SLC41A3: variants seen among roughly 807,000 people sequenced by gnomAD.
The protein encoded by SLC41A3 is SLC41A1-like 2.
Under a neutral mutation model 45.4 loss-of-function variants are expected in SLC41A3, and 44 were observed. The ratio of observed to expected loss-of-function variants is 0.97; its 90% CI spans 0.76 to 1.25. SLC41A3 has a LOEUF of 1.25. Among genes scored for constraint, SLC41A3 ranks in the 50% most tolerant of loss-of-function variants. The pLI, the probability that SLC41A3 is intolerant of heterozygous loss-of-function variation, is 0.00. For synonymous variants in SLC41A3, 256 were observed against 252.4 expected, an observed-to-expected ratio of 1.01 and a Z score of -0.13; for missense variants, 550 against 600.6, an observed-to-expected ratio of 0.92 and a Z score of 0.88.
At chr3:126,027,376 T>C (rs1941449081) in intron 4 of SLC41A3, among the ~76,000 whole-genome samples, 1 of 151,984 alleles carries the variant, frequency 6.6e-6, no homozygotes, top group Non-Finnish European at 1.5e-5. Context: ...CTGTGTGAAG[T>C]GCTACTCCCC....
intron 2 of SLC41A3, among the ~76,000 whole-genome samples, chr3:126,055,496 A>G (rs1943596119): frequency 6.6e-6 from 1 of 152,228 alleles, no homozygotes; most frequent in African/African-American, 2.4e-5. Flanking sequence ...CCTGGGCGAC[A>G]GGGCAAGACT....
intron 3 of SLC41A3, among the ~76,000 whole-genome samples, chr3:126,041,305 A>C (rs1379025300): frequency 6.6e-6 from 1 of 152,168 alleles, no homozygotes; most frequent in Non-Finnish European, 1.5e-5. Context: ...AATACAAAAA[A>C]TAATAAAGTT....
intron 1 of SLC41A3, among the ~76,000 whole-genome samples, chr3:126,096,579 C>T (rs144263077): frequency 3.8e-4 from 58 of 152,380 alleles, no homozygotes; most frequent in Non-Finnish European, 8.1e-4. Flanking sequence ...AAACCACAAA[C>T]GATAGCATGA....
intron 3 of SLC41A3, among the ~76,000 whole-genome samples, chr3:126,039,312 C>T (rs1942422806): frequency 6.6e-6 from 1 of 152,140 alleles, no homozygotes; most frequent in Non-Finnish European, 1.5e-5. Context: ...TTTTTATGTT[C>T]CAGGAAATAA....
chr3:126,061,550 G>C lies in SLC41A3; in HGVS notation c.273+6397C>G, dbSNP rs548389247. On this transcript the variant is annotated intron_variant, in intron 2 of 10. Coordinates refer to ENST00000360370, the MANE Select transcript of SLC41A3 (RefSeq NM_017836.4). ...GGGCAGGGGTGTCTGCCTGGCACAG[G>C]TACACAGTATATGCTGCCTGAATGA... Among the ~76,000 whole-genome samples, 28 of 152,316 alleles carry C rather than the reference G, an allele frequency of 1.8e-4. No homozygotes were observed. The Middle Eastern group carries it at 0.01, about 56-fold the overall frequency.
chr3:126,012,752 AC>A lies in SLC41A3; in HGVS notation c.971-4del. The A allele has an allele frequency of 6.2e-7, 1 of 1,614,108 alleles. No individual in the cohort carries two copies. Among genetic ancestry groups the A allele is most frequent in the South Asian group, 1.1e-5 (1 of 91,072 alleles). On this transcript the variant is annotated splice_region_variant and splice_polypyrimidine_tract_variant and intron_variant, in intron 8 of 10. Transcript: ENST00000360370. ...GGCCACCAGATTGCCACCAACACCTACGAGGAGAAAAGGAATCTGTTTTCCC... is the reference window on the plus strand; with the variant it reads ...GGCCACCAGATTGCCACCAACACCTAGAGGAGAAAAGGAATCTGTTTTCCC...
chr3:126,022,860 A>T lies in SLC41A3; in HGVS notation c.671T>A (p.Ile224Asn). The T allele has an allele frequency of 1.2e-6, 2 of 1,614,168 alleles. No homozygotes were observed. The highest frequency in any genetic ancestry group is 1.7e-6 in the Non-Finnish European group (2 of 1,180,022). Residue 224 changes from isoleucine (I) to asparagine (N), a missense_variant, in exon 6 of 11, where the codon ATT becomes AAT. Ile to Asn is a moderately radical substitution (Grantham distance 149). Transcript: ENST00000360370. The part of the protein sequence containing the change: ...GVNPDNIATP[I>N]AASLGDLITL... ...GATGAGGTCTCCCAGGCTGGCTGCA[A>T]TGGGCGTGGCAATGTTGTCTGGGTT... is the stretch of plus-strand genomic sequence containing the variant.
intron 2 of SLC41A3, among the ~76,000 whole-genome samples, chr3:126,053,924 T>C (rs1943499803): frequency 6.6e-6 from 1 of 152,172 alleles, no homozygotes; most frequent in African/African-American, 2.4e-5. Context: ...TTTTAAATTC[T>C]GCCACCGCCC....
At chr3:126,046,412 T>G (rs185904808) in intron 3 of SLC41A3, among the ~76,000 whole-genome samples, 2 of 151,330 alleles carry the variant, frequency 1.3e-5, no homozygotes, top group African/African-American at 4.9e-5. Context: ...TCAGCAAAGA[T>G]GAAGGATACA....
At chr3:126,028,242 A>G (rs1426237428) in intron 4 of SLC41A3, among the ~76,000 whole-genome samples, 1 of 152,230 alleles carries the variant, frequency 6.6e-6, no homozygotes, top group Non-Finnish European at 1.5e-5. Flanking sequence ...TCACAGGCCC[A>G]GAGGCCTAGG....
intron 3 of SLC41A3, among the ~76,000 whole-genome samples, chr3:126,039,940 C>T (rs1302458312): frequency 6.6e-6 from 1 of 152,232 alleles, no homozygotes; most frequent in African/African-American, 2.4e-5. Flanking sequence ...AGTACACCCA[C>T]TGCCCAGATC....
At chr3:126,014,142 G>A (rs1189261367) in intron 8 of SLC41A3, among the ~76,000 whole-genome samples, 1 of 152,198 alleles carries the variant, frequency 6.6e-6, no homozygotes, top group African/African-American at 2.4e-5. Context: ...TGGGCCAGGT[G>A]TGCACCAGTG....
chr3:126,073,611 T>G (rs1399333886), intron 1 of SLC41A3, among the ~76,000 whole-genome samples: 1 of 151,880 alleles, frequency 6.6e-6, no homozygotes, highest in African/African-American at 2.4e-5. Flanking sequence ...CTAAAAAAAT[T>G]AGAAAACCTA....
intron 2 of SLC41A3, among the ~76,000 whole-genome samples, chr3:126,063,331 C>A (rs1944170038): frequency 1.3e-5 from 2 of 152,088 alleles, no homozygotes; most frequent in South Asian, 4.1e-4. Context: ...CTACCCAAGG[C>A]CCCTTGAGAT....
intron 10 of SLC41A3, 39 bp downstream of exon 10, chr3:126,008,693 A>T (rs1427905847): frequency 6.2e-7 from 1 of 1,606,292 alleles, no homozygotes; most frequent in Admixed American, 1.7e-5. Context: ...CTGGCTGACT[A>T]CACAGCTGCG....
intron 1 of SLC41A3, among the ~76,000 whole-genome samples, chr3:126,075,630 G>GA (rs1349707079): frequency 6.6e-6 from 1 of 152,132 alleles, no homozygotes; most frequent in Non-Finnish European, 1.5e-5. Flanking sequence ...GCAAAGAATA[G>GA]AAATATAGAT....
chr3:126,062,460 G>A (rs1050827149), intron 2 of SLC41A3, among the ~76,000 whole-genome samples: 1 of 152,128 alleles, frequency 6.6e-6, no homozygotes, highest in Non-Finnish European at 1.5e-5. Flanking sequence ...ATGCGGCCAA[G>A]GTCTCCCCTG....
In SLC41A3 at chr3:126,015,187, G is replaced by A. The variant is rs374770689; in HGVS notation, c.970+307C>T. Among the ~76,000 whole-genome samples the A allele has an allele frequency of 4.5e-4, 69 of 152,368 alleles. 1 individual carries two copies. The South Asian group carries it at 9.5e-3, about 21-fold the overall frequency. ...TCAATTGGCAGGTGCCATCGAGGCC[G>A]GAGTTTGACTCAGTGCCTGCAAAGC... On this transcript the variant is annotated intron_variant, in intron 8 of 10. Transcript: ENST00000360370.
At chr3:126,078,076 A>G (rs540501511) in intron 1 of SLC41A3, among the ~76,000 whole-genome samples, 81 of 152,194 alleles carry the variant, frequency 5.3e-4, no homozygotes, top group Non-Finnish European at 1.0e-3. Flanking sequence ...CAGGGGCCCA[A>G]TGCCAGGGGC....
Sources: gnomAD v4.1 joint callset for allele counts (sites outside exome capture counted in the v4.1 genomes callset) on GRCh38, gnomAD v4.1.1 for gene constraint, MANE v1.5 for transcripts, NCBI Gene and HGNC (gene_info 2026-07-23, HGNC 2026-07-21) for gene names.